HCN1: variants seen among roughly 807,000 people sequenced by gnomAD.
HCN1 encodes hyperpolarization activated cyclic nucleotide gated potassium channel 1, also known as potassium/sodium hyperpolarization-activated cyclic nucleotide-gated channel 1.
In HCN1, 13 loss-of-function variants were observed where a neutral mutation model predicts 78.9. That is an observed-to-expected ratio of 0.16 (90% CI 0.11 to 0.26). HCN1 has a LOEUF of 0.26. Among genes scored for constraint, HCN1 ranks in the 10% least tolerant of loss-of-function variants. The pLI, the probability that HCN1 is intolerant of heterozygous loss-of-function variation, is 1.00. For missense variants in HCN1, 810 were observed against 1,154.3 expected (o/e 0.70, Z 4.32); for synonymous variants, 552 against 455.5 (o/e 1.21, Z -2.70).
At chr5:45,458,601 T>G (rs1741072576) in intron 3 of HCN1, among the ~76,000 whole-genome samples, 1 of 152,178 alleles carries the variant, frequency 6.6e-6, no homozygotes, top group African/African-American at 2.4e-5. Flanking sequence ...AGGTTTTGTC[T>G]CTTTATTACT....
intron 1 of HCN1, among the ~76,000 whole-genome samples, chr5:45,684,439 T>C (rs1739763911): frequency 6.6e-6 from 1 of 152,224 alleles, no homozygotes; most frequent in East Asian, 1.9e-4. Context: ...CTAATTCACT[T>C]ACATGGATAT....
chr5:45,278,260 G>A (rs763669550), intron 6 of HCN1, among the ~76,000 whole-genome samples: 1 of 152,000 alleles, frequency 6.6e-6, no homozygotes, highest in Non-Finnish European at 1.5e-5. Context: ...TTCAAGTTCA[G>A]TATGTGAGTA....
At chr5:45,273,256 C>T (rs1221785239) in intron 6 of HCN1, among the ~76,000 whole-genome samples, 1 of 152,028 alleles carries the variant, frequency 6.6e-6, no homozygotes, top group Non-Finnish European at 1.5e-5. Flanking sequence ...GGAACATAGA[C>T]AACTCTGTTT....
intron 2 of HCN1, among the ~76,000 whole-genome samples, chr5:45,599,133 A>G (rs1245278379): frequency 6.6e-6 from 1 of 152,156 alleles, no homozygotes; most frequent in Non-Finnish European, 1.5e-5. Flanking sequence ...GGGACTATTC[A>G]CAATAGCAAA....
chr5:45,658,818 C>T (rs1418139636), intron 1 of HCN1, among the ~76,000 whole-genome samples: 1 of 151,666 alleles, frequency 6.6e-6, no homozygotes, highest in African/African-American at 2.4e-5. Flanking sequence ...CACGGAATCT[C>T]GCTGATTGCT....
At chr5:45,320,252 T>A (rs1451031289) in intron 5 of HCN1, among the ~76,000 whole-genome samples, 1 of 151,880 alleles carries the variant, frequency 6.6e-6, no homozygotes, top group East Asian at 1.9e-4. Flanking sequence ...CTATACCACA[T>A]GACACCTCAT....
intron 2 of HCN1, among the ~76,000 whole-genome samples, chr5:45,493,570 G>T (rs1287462678): frequency 6.6e-6 from 1 of 150,938 alleles, no homozygotes; most frequent in Non-Finnish European, 1.5e-5. Flanking sequence ...TATTTCAATT[G>T]TGTTTCTTTT....
intron 1 of HCN1, among the ~76,000 whole-genome samples, chr5:45,687,582 T>C (rs1296483396): frequency 2.0e-5 from 3 of 152,208 alleles, no homozygotes; most frequent in Non-Finnish European, 4.4e-5. Context: ...AAAATATTTA[T>C]GAAGATATCA....
chr5:45,322,121 C>A (rs907103106), intron 5 of HCN1, among the ~76,000 whole-genome samples: 1 of 151,806 alleles, frequency 6.6e-6, no homozygotes, highest in Non-Finnish European at 1.5e-5. Flanking sequence ...GACATAGTCA[C>A]AAATGTTTTA....
chr5:45,453,548 C>G (rs1366645234), intron 3 of HCN1, among the ~76,000 whole-genome samples: 1 of 152,036 alleles, frequency 6.6e-6, no homozygotes, highest in African/African-American at 2.4e-5. Flanking sequence ...TGGTTGTTTT[C>G]TATAAACATA....
At chr5:45,316,364 C>T (rs531563198) in intron 5 of HCN1, among the ~76,000 whole-genome samples, 8 of 152,132 alleles carry the variant, frequency 5.3e-5, no homozygotes, top group South Asian at 2.1e-4. Flanking sequence ...AATTCAACAC[C>T]CCTTCATGCT....
At chr5:45,690,442 C>G (rs1333768701) in intron 1 of HCN1, among the ~76,000 whole-genome samples, 2 of 152,000 alleles carry the variant, frequency 1.3e-5, no homozygotes, top group African/African-American at 4.8e-5. Context: ...TATATATATT[C>G]TTTACTTCTA....
rs150250638 is a variant in HCN1, at chr5:45,541,338, T to C, written c.850-79331A>G. On this transcript the variant is annotated intron_variant, in intron 2 of 7. Transcript: ENST00000303230. ...CTCTGTTCTCTAGTTATCCTGAACA[T>C]GACTTGCCATGCGCTGCATAGTGTT... Among the ~76,000 whole-genome samples, 189 of 152,286 alleles carry C rather than the reference T, an allele frequency of 1.2e-3. 1 individual carries two copies. The highest frequency in any genetic ancestry group is 4.2e-3 in the African/African-American group (176 of 41,570).
chr5:45,413,561 C>A (rs1404264460), intron 3 of HCN1, among the ~76,000 whole-genome samples: 1 of 151,926 alleles, frequency 6.6e-6, no homozygotes, highest in Non-Finnish European at 1.5e-5. Context: ...GTTAGCTACA[C>A]CATGCAGGAG....
chr5:45,421,458 C>G (rs955799230), intron 3 of HCN1, among the ~76,000 whole-genome samples: 7 of 151,852 alleles, frequency 4.6e-5, no homozygotes, highest in African/African-American at 1.7e-4. Flanking sequence ...CAGCAATAAG[C>G]AACTATATGG....
chr5:45,635,895 ACT>A (rs1310198837), intron 2 of HCN1, among the ~76,000 whole-genome samples: 3 of 152,130 alleles, frequency 2.0e-5, no homozygotes, highest in Non-Finnish European at 2.9e-5. Flanking sequence ...TAAATCAATC[ACT>A]CTTTTGAAAT....
intron 2 of HCN1, among the ~76,000 whole-genome samples, chr5:45,496,944 C>T (rs1466134190): frequency 6.6e-6 from 1 of 152,038 alleles, no homozygotes; most frequent in African/African-American, 2.4e-5. Flanking sequence ...TTATTTCTGC[C>T]TTCATTTCTT....
chr5:45,512,637 T>C (rs896512831), intron 2 of HCN1, among the ~76,000 whole-genome samples: 1 of 152,094 alleles, frequency 6.6e-6, no homozygotes, highest in Non-Finnish European at 1.5e-5. Context: ...TTTAAAAAAA[T>C]ATTACTCTAG....
chr5:45,579,750 T>C (rs1293163089), intron 2 of HCN1, among the ~76,000 whole-genome samples: 1 of 152,054 alleles, frequency 6.6e-6, no homozygotes, highest in Non-Finnish European at 1.5e-5. Context: ...AAGTAATAAG[T>C]AATCTCTGAA....
Sources: gnomAD v4.1 joint callset for allele counts (sites outside exome capture counted in the v4.1 genomes callset) on GRCh38, gnomAD v4.1.1 for gene constraint, MANE v1.5 for transcripts, NCBI Gene and HGNC (gene_info 2026-07-23, HGNC 2026-07-21) for gene names.